Variants in THSD7B observed in about 807,000 individuals in gnomAD.
THSD7B encodes the protein thrombospondin type 1 domain containing 7B.
In THSD7B, 138 loss-of-function variants were observed where a neutral mutation model predicts 213.6. That is an observed-to-expected ratio of 0.65 (90% CI 0.56 to 0.74). THSD7B has a LOEUF of 0.74. THSD7B is among the 30% of genes least tolerant of loss of function. The probability of loss-of-function intolerance (pLI) is 0.00; values close to 1 mark genes in which losing one functional copy is unlikely to be tolerated. For missense variants in THSD7B, 1,931 were observed against 1,991.5 expected (o/e 0.97, Z 0.58); for synonymous variants, 742 against 687.0 (o/e 1.08, Z -1.25).
intron 10 of THSD7B, among the ~76,000 whole-genome samples, chr2:137,268,897 A>G (rs759671317): frequency 6.6e-6 from 1 of 152,134 alleles, no homozygotes; most frequent in Admixed American, 6.6e-5. Flanking sequence ...GTTTCCCACA[A>G]CACCACTTAA....
chr2:137,639,484 A>C (rs1682898481), intron 20 of THSD7B, among the ~76,000 whole-genome samples: 1 of 152,216 alleles, frequency 6.6e-6, no homozygotes, highest in Non-Finnish European at 1.5e-5. Context: ...CGGAGCCCCC[A>C]CACAGAGTCC....
chr2:137,320,421 A>G (rs1397814842), intron 12 of THSD7B, among the ~76,000 whole-genome samples: 1 of 152,180 alleles, frequency 6.6e-6, no homozygotes, highest in Non-Finnish European at 1.5e-5. Context: ...AAGTACAACT[A>G]TTTTGATATC....
chr2:137,650,797 T>C (rs2104812306), intron 21 of THSD7B, among the ~76,000 whole-genome samples: 1 of 152,318 alleles, frequency 6.6e-6, no homozygotes, highest in Non-Finnish European at 1.5e-5. Context: ...CATAAAGGGA[T>C]ATTGAATTTT....
chr2:136,898,669 AG>A (rs1435362953), intron 2 of THSD7B, among the ~76,000 whole-genome samples: 2 of 118,756 alleles, frequency 1.7e-5, no homozygotes, highest in African/African-American at 6.6e-5. Context: ...TTTGAAATGG[AG>A]TCTCCCCCCA....
intron 14 of THSD7B, among the ~76,000 whole-genome samples, chr2:137,417,044 C>T (rs1383006795): frequency 6.6e-6 from 1 of 152,164 alleles, no homozygotes; most frequent in Non-Finnish European, 1.5e-5. Flanking sequence ...ATTAGTATAT[C>T]ATCCACATGT....
intron 7 of THSD7B, among the ~76,000 whole-genome samples, chr2:137,217,325 A>G (rs932711086): frequency 1.3e-5 from 2 of 152,258 alleles, no homozygotes; most frequent in African/African-American, 4.8e-5. Context: ...TGGAAAATCT[A>G]AAGCCATTAA....
rs1558967497 is a variant in THSD7B, at chr2:137,232,917, CT to C, written c.1935del (p.Ser646ValfsTer34). The C allele has an allele frequency of 1.9e-6, 3 of 1,613,906 alleles. No individual in the cohort carries two copies. Among genetic ancestry groups the C allele is most frequent in the Admixed American group, 1.7e-5 (1 of 60,014 alleles). ...LAGEGGKPCP[P>X]SQALQEHRLC... is the part of the protein sequence containing the mutation. ...TTGGCAGGTGGAAAGCCATGTCCCC[CT>C]AGTCAGGCTCTCCAAGAGCATCGTT... On this transcript the variant is annotated frameshift_variant, in exon 9 of 28. Coordinates refer to ENST00000409968, the MANE Select transcript of THSD7B (RefSeq NM_001316349.2). LOFTEE classifies it high-confidence loss of function.
intron 3 of THSD7B, among the ~76,000 whole-genome samples, chr2:137,073,551 A>AT (rs1687549153): frequency 6.6e-6 from 1 of 152,012 alleles, no homozygotes; most frequent in Non-Finnish European, 1.5e-5. Flanking sequence ...GGATTCATTG[A>AT]TTTTTGGAAG....
At chr2:136,842,270 G>T (rs1271971480) in intron 1 of THSD7B, among the ~76,000 whole-genome samples, 1 of 152,164 alleles carries the variant, frequency 6.6e-6, no homozygotes, top group Non-Finnish European at 1.5e-5. Context: ...GGTGTCAAAA[G>T]CTACACAGGA....
chr2:137,134,866 T>C (rs759260006), intron 5 of THSD7B, among the ~76,000 whole-genome samples: 11 of 152,118 alleles, frequency 7.2e-5, no homozygotes, highest in African/African-American at 2.7e-4. Flanking sequence ...GCAGTAACAA[T>C]GAGAGTTTGA....
intron 2 of THSD7B, among the ~76,000 whole-genome samples, chr2:137,044,170 ACTT>A (rs1199767500): frequency 5.9e-5 from 9 of 152,244 alleles, no homozygotes; most frequent in Admixed American, 2.0e-4. Context: ...CTCCTGGCTC[ACTT>A]CTTCTTAGAT....
intron 2 of THSD7B, among the ~76,000 whole-genome samples, chr2:136,991,555 T>A (rs1309797281): frequency 6.6e-6 from 1 of 152,172 alleles, no homozygotes; most frequent in South Asian, 2.1e-4. Flanking sequence ...ATTGCTTGGG[T>A]TCCAGAGTAG....
At chr2:137,112,585 G>A (rs970143924) in intron 4 of THSD7B, among the ~76,000 whole-genome samples, 2 of 152,064 alleles carry the variant, frequency 1.3e-5, no homozygotes, top group Non-Finnish European at 2.9e-5. Flanking sequence ...AATTGTAAAA[G>A]CAATTTATAC....
intron 5 of THSD7B, among the ~76,000 whole-genome samples, chr2:137,119,873 C>G (rs761732749): frequency 6.6e-6 from 1 of 152,110 alleles, no homozygotes; most frequent in Non-Finnish European, 1.5e-5. Context: ...AATTTATATT[C>G]TTAGCTGATA....
chr2:137,483,079 T>G (rs1312916613), intron 15 of THSD7B, among the ~76,000 whole-genome samples: 1 of 152,322 alleles, frequency 6.6e-6, no homozygotes, highest in East Asian at 1.9e-4. Flanking sequence ...CTCAATAGGA[T>G]GCCTTGGGAC....
intron 4 of THSD7B, among the ~76,000 whole-genome samples, chr2:137,099,557 A>G (rs192624758): frequency 1.3e-5 from 2 of 152,300 alleles, no homozygotes; most frequent in East Asian, 3.9e-4. Flanking sequence ...AATATTGGAA[A>G]AACATCAGCT....
intron 12 of THSD7B, among the ~76,000 whole-genome samples, chr2:137,294,637 AT>A (rs1231673680): frequency 1.3e-5 from 2 of 149,820 alleles, no homozygotes; most frequent in Non-Finnish European, 1.5e-5. Flanking sequence ...ATATAATTTT[AT>A]TATAGTATAT....
intron 12 of THSD7B, among the ~76,000 whole-genome samples, chr2:137,395,181 T>C (rs1377692595): frequency 3.0e-4 from 43 of 145,108 alleles, no homozygotes; most frequent in African/African-American, 1.0e-3. Flanking sequence ...TTGCCCTGGC[T>C]AGAACTTCCA....
chr2:136,814,337 T>G (rs1482182107), intron 1 of THSD7B, among the ~76,000 whole-genome samples: 1 of 152,170 alleles, frequency 6.6e-6, no homozygotes, highest in African/African-American at 2.4e-5. Context: ...ATTACAATTC[T>G]TTTTAAAACT....
Sources: gnomAD v4.1 joint callset for allele counts (sites outside exome capture counted in the v4.1 genomes callset) on GRCh38, gnomAD v4.1.1 for gene constraint, MANE v1.5 for transcripts, NCBI Gene and HGNC (gene_info 2026-07-23, HGNC 2026-07-21) for gene names.